The following SYT1 variants were observed in gnomAD, a reference collection of about 807,000 sequenced individuals.
SYT1 encodes synaptotagmin 1, also known as synaptotagmin-1.
In SYT1, 8 loss-of-function variants were observed where a neutral mutation model predicts 44.8. The observed-to-expected ratio is 0.18, with a 90% CI of 0.10 to 0.32. The LOEUF (loss-of-function observed/expected upper bound fraction) is 0.32, where lower values mean the gene tolerates loss of function less well. Ranked by LOEUF, SYT1 falls within the 10% of genes least tolerant of loss-of-function variation. The pLI is 1.00. For synonymous variants in SYT1, 154 were observed against 188.8 expected, an observed-to-expected ratio of 0.82 and a Z score of 1.51; for missense variants, 286 against 509.3, an observed-to-expected ratio of 0.56 and a Z score of 4.22.
intron 4 of SYT1, among the ~76,000 whole-genome samples, chr12:79,218,341 G>C (rs1874941241): frequency 6.6e-6 from 1 of 152,092 alleles, no homozygotes; most frequent in Admixed American, 6.5e-5. Flanking sequence ...TGAATATAAA[G>C]TGTTCTCACC....
chr12:79,029,865 T>C (rs1872734996), intron 2 of SYT1, among the ~76,000 whole-genome samples: 1 of 151,196 alleles, frequency 6.6e-6, no homozygotes, highest in Non-Finnish European at 1.5e-5. Context: ...ACATGTATTA[T>C]ATAAATTCTA....
chr12:78,980,252 A>G (rs1296680370), intron 2 of SYT1, among the ~76,000 whole-genome samples: 2 of 152,214 alleles, frequency 1.3e-5, no homozygotes, highest in Non-Finnish European at 2.9e-5. Context: ...ACTGAAAGAC[A>G]GCAAAAATCT....
chr12:78,922,236 T>C (rs908297310), intron 1 of SYT1, among the ~76,000 whole-genome samples: 21 of 151,994 alleles, frequency 1.4e-4, no homozygotes, highest in African/African-American at 4.6e-4. Context: ...AACACTATTT[T>C]CACAGTGTAT....
chr12:79,208,567 G>T (rs943013948), intron 3 of SYT1, among the ~76,000 whole-genome samples: 1 of 152,156 alleles, frequency 6.6e-6, no homozygotes, highest in Non-Finnish European at 1.5e-5. Flanking sequence ...ACAGGAGAGA[G>T]GGATACGAGA....
At chr12:79,300,789 TTATATATATATATA>T (rs56934430) in intron 8 of SYT1, among the ~76,000 whole-genome samples, 11 of 89,612 alleles carry the variant, frequency 1.2e-4, no homozygotes, top group African/African-American at 3.3e-4. Context: ...TGTATACTTA[TTATATATATATATA>T]TATATATATA....
At chr12:79,221,060 C>T (rs902645259) in intron 4 of SYT1, among the ~76,000 whole-genome samples, 2 of 152,086 alleles carry the variant, frequency 1.3e-5, no homozygotes, top group African/African-American at 4.8e-5. Flanking sequence ...TTGATCTCTC[C>T]CTTCAGGTCT....
Position 79,449,321 on chromosome 12 carries a change from C to A in SYT1, c.*197C>A. The stretch of plus-strand genomic sequence containing the variant: ...AAGTCCTTCATCATACCACTGCCCT[C>A]CAAATCTACTCTTCTTTTAAGCAAT... On this transcript the variant is annotated 3_prime_UTR_variant, in exon 11 of 11. Coordinates refer to ENST00000261205, the MANE Select transcript of SYT1 (RefSeq NM_005639.3). 1.7e-6 allele frequency: 1 copy of A among 586,372 alleles called. No homozygotes were observed. The allele number at this position is 586,372 out of a possible 1,614,324, so 36.3% of individuals were successfully genotyped here. A position where few individuals can be genotyped will look rare whatever the true frequency, so the allele number is the denominator to read the frequency against.
intron 8 of SYT1, among the ~76,000 whole-genome samples, chr12:79,352,008 C>T (rs1161564573): frequency 6.6e-6 from 1 of 151,962 alleles, no homozygotes; most frequent in South Asian, 2.1e-4. Flanking sequence ...TGGTAAAATG[C>T]TATGGGGACT....
At chr12:79,121,701 G>A (rs1293713942) in intron 3 of SYT1, among the ~76,000 whole-genome samples, 1 of 152,172 alleles carries the variant, frequency 6.6e-6, no homozygotes, top group Non-Finnish European at 1.5e-5. Flanking sequence ...GCCACCAGAG[G>A]TGCTAATAGA....
intron 8 of SYT1, among the ~76,000 whole-genome samples, chr12:79,300,041 A>G (rs1194846664): frequency 6.6e-6 from 1 of 152,192 alleles, no homozygotes; most frequent in African/African-American, 2.4e-5. Flanking sequence ...TGATTGGTCA[A>G]ACATCAAATA....
At chr12:79,423,898 C>G (rs1349623654) in intron 9 of SYT1, among the ~76,000 whole-genome samples, 3 of 151,396 alleles carry the variant, frequency 2.0e-5, no homozygotes, top group Non-Finnish European at 2.9e-5. Context: ...ATTAGAAGGC[C>G]TAAGCACCTG....
At chr12:79,446,766 GC>G (rs1870758429) in intron 10 of SYT1, among the ~76,000 whole-genome samples, 1 of 152,038 alleles carries the variant, frequency 6.6e-6, no homozygotes, top group Admixed American at 6.6e-5. Context: ...GAACCAGCGG[GC>G]CCCCTGCTTT....
chr12:79,259,960 A>G (rs1268547543), intron 4 of SYT1, among the ~76,000 whole-genome samples: 1 of 152,204 alleles, frequency 6.6e-6, no homozygotes, highest in African/African-American at 2.4e-5. Context: ...AATAAAGTCA[A>G]ATACAGAACT....
intron 8 of SYT1, among the ~76,000 whole-genome samples, chr12:79,349,633 T>G (rs1882801092): frequency 1.3e-5 from 2 of 152,156 alleles, no homozygotes; most frequent in Admixed American, 1.3e-4. Context: ...GACAAAATTG[T>G]CAAGGAGCAG....
chr12:78,869,498 G>T (rs903620831), intron 1 of SYT1, among the ~76,000 whole-genome samples: 2 of 151,852 alleles, frequency 1.3e-5, no homozygotes, highest in African/African-American at 2.4e-5. Flanking sequence ...TAAATATATT[G>T]CTATGTTGTA....
At chr12:79,150,636 G>A (rs1232628387) in intron 3 of SYT1, among the ~76,000 whole-genome samples, 1 of 152,034 alleles carries the variant, frequency 6.6e-6, no homozygotes, top group African/African-American at 2.4e-5. Context: ...ATGATGAGGA[G>A]GGCACAAAAA....
intron 9 of SYT1, among the ~76,000 whole-genome samples, chr12:79,403,503 T>C (rs529690926): frequency 7.2e-5 from 11 of 152,318 alleles, no homozygotes; most frequent in African/African-American, 2.4e-4. Context: ...AGTGACCTCA[T>C]TGTAATTTAA....
At chr12:79,024,680 C>T (rs1433866787) in intron 2 of SYT1, among the ~76,000 whole-genome samples, 1 of 151,674 alleles carries the variant, frequency 6.6e-6, no homozygotes, top group East Asian at 1.9e-4. Flanking sequence ...AAAGTACTTT[C>T]TAGGGTACAT....
rs201966566 is a variant in SYT1 at position 78,981,133 on chromosome 12, T to TG, written c.-84+3202_-84+3203insG. ...GTTTTGTTTGTTTCTTTGTTTTTTT[T>TG]TTTTTTTTTTTGAGACGGAGTTTTG... On this transcript the variant is annotated intron_variant, in intron 2 of 10. Coordinates refer to ENST00000261205, the MANE Select transcript of SYT1 (RefSeq NM_005639.3). Among the ~76,000 whole-genome samples the TG allele has an allele frequency of 1.4e-3, 214 of 149,512 alleles. 2 individuals carry two copies. The highest frequency in any genetic ancestry group is 4.1e-3 in the African/African-American group (169 of 40,918).
Sources: allele counts gnomAD v4.1 joint callset (sites outside exome capture counted in the v4.1 genomes callset), GRCh38; gene constraint gnomAD v4.1.1; transcripts MANE v1.5; gene names NCBI Gene and HGNC (gene_info 2026-07-23, HGNC 2026-07-21).